Variants in PYHIN1 observed in about 807,000 individuals in gnomAD.
PYHIN1 encodes the protein pyrin and HIN domain family member 1.
Under a neutral mutation model 43.7 loss-of-function variants are expected in PYHIN1, and 32 were observed. That is an observed-to-expected ratio of 0.73 (90% confidence interval 0.55 to 0.98). The LOEUF (loss-of-function observed/expected upper bound fraction) is 0.98, where lower values mean the gene tolerates loss of function less well. PYHIN1 is among the 50% of genes least tolerant of loss of function. The probability of loss-of-function intolerance (pLI) is 0.00; values close to 1 mark genes in which losing one functional copy is unlikely to be tolerated. For synonymous variants in PYHIN1, 205 were observed against 203.1 expected, an observed-to-expected ratio of 1.01 and a Z score of -0.08; for missense variants, 588 against 589.5, an observed-to-expected ratio of 1.00 and a Z score of 0.03.
chr1:158,965,578 A>G (rs1301825695), intron 7 of PYHIN1, among the ~76,000 whole-genome samples: 1 of 152,306 alleles, frequency 6.6e-6, no homozygotes. Flanking sequence ...GTATAAATCT[A>G]TAGTAAGAAA....
At chr1:158,974,398 C>A (rs1195422970) in intron 8 of PYHIN1, among the ~76,000 whole-genome samples, 1 of 152,046 alleles carries the variant, frequency 6.6e-6, no homozygotes, top group Non-Finnish European at 1.5e-5. Context: ...TTCAACCACA[C>A]TTGATAATAA....
chr1:158,971,912 A>C (rs1650952696), intron 7 of PYHIN1, among the ~76,000 whole-genome samples: 1 of 151,968 alleles, frequency 6.6e-6, no homozygotes, highest in Non-Finnish European at 1.5e-5. Context: ...TAGGATATCT[A>C]AAGTTATGCT....
chr1:158,961,393 A>G (rs890862553), intron 7 of PYHIN1, among the ~76,000 whole-genome samples: 1 of 152,166 alleles, frequency 6.6e-6, no homozygotes, highest in Non-Finnish European at 1.5e-5. Context: ...TTAAATCTTC[A>G]TTTAAGATAC....
At position 158,938,473 on chromosome 1, in the gene PYHIN1, T is replaced by C; in HGVS notation, c.342T>C (p.Pro114=). 1.2e-6 allele frequency: 2 copies of C among 1,614,168 alleles called. No individual in the cohort carries two copies. The highest frequency in any genetic ancestry group is 1.7e-6 in the Non-Finnish European group (2 of 1,179,988). ...SKKTKQKEVY[P]ATPACTPSNR... is the part of the protein sequence containing the mutation. ...AGACGAAACAGAAAGAAGTGTATCCTGCTACACCTGCATGCACCCCAAGCA... is the reference window on the plus strand; with the variant it reads ...AGACGAAACAGAAAGAAGTGTATCCCGCTACACCTGCATGCACCCCAAGCA... The change falls in exon 3 of 9, where the codon CCT becomes CCC. Residue 114 remains proline (P), a synonymous_variant. Transcript: ENST00000368140.
chr1:158,937,955 A>G (rs1422268993), intron 2 of PYHIN1, among the ~76,000 whole-genome samples: 1 of 152,038 alleles, frequency 6.6e-6, no homozygotes, highest in Non-Finnish European at 1.5e-5. Context: ...AAAAAAAAAA[A>G]AAAAGAAAAA....
chr1:158,941,162 G>A (rs1230692564), intron 4 of PYHIN1, among the ~76,000 whole-genome samples: 1 of 152,182 alleles, frequency 6.6e-6, no homozygotes, highest in Non-Finnish European at 1.5e-5. Flanking sequence ...TCCAGGAGCT[G>A]CTGGTTTGTG....
intron 7 of PYHIN1, 48 bp from the exon 8 acceptor site, chr1:158,973,595 GTTCT>G: frequency 6.2e-7 from 1 of 1,602,178 alleles, no homozygotes; most frequent in East Asian, 2.2e-5. Flanking sequence ...GAAAAAACCA[GTTCT>G]TTCTGTCATA....
intron 1 of PYHIN1, among the ~76,000 whole-genome samples, chr1:158,932,282 C>T (rs568754642): frequency 8.6e-5 from 13 of 151,908 alleles, no homozygotes; most frequent in African/African-American, 2.7e-4. Flanking sequence ...AAGATGGGAA[C>T]GGTAGACGCT....
intron 7 of PYHIN1, among the ~76,000 whole-genome samples, chr1:158,958,315 A>T (rs1650091203): frequency 1.4e-5 from 2 of 145,692 alleles, no homozygotes; most frequent in South Asian, 2.4e-4. Flanking sequence ...ACGTATGTTT[A>T]TTGCGGCATT....
downstream of PYHIN1, among the ~76,000 whole-genome samples, chr1:158,980,446 G>A (rs1460263073): frequency 6.6e-6 from 1 of 152,118 alleles, no homozygotes; most frequent in African/African-American, 2.4e-5. Flanking sequence ...AAATGGATGT[G>A]CAAGTAGGAA....
In PYHIN1 at chr1:158,957,885, C is replaced by T. The variant is rs1435268932; in HGVS notation, c.1359+12843C>T. Among the ~76,000 whole-genome samples the T allele has an allele frequency of 2.2e-3, 336 of 150,548 alleles. 1 individual carries two copies. The highest frequency in any genetic ancestry group is 7.3e-3 in the African/African-American group (299 of 41,024). ...ACAAAGGGCTAATATCCAGAATCTACAATGAACTCAAACAAATTTACAAGA... is the reference window on the plus strand; with the variant it reads ...ACAAAGGGCTAATATCCAGAATCTATAATGAACTCAAACAAATTTACAAGA... On this transcript the variant is annotated intron_variant, in intron 7 of 8. Coordinates refer to ENST00000368140, the MANE Select transcript of PYHIN1 (RefSeq NM_152501.5).
chr1:158,941,124 C>T (rs1648885531), intron 4 of PYHIN1, among the ~76,000 whole-genome samples: 1 of 152,152 alleles, frequency 6.6e-6, no homozygotes, highest in Non-Finnish European at 1.5e-5. Flanking sequence ...CAGATGATCA[C>T]TGTATATGGT....
intron 5 of PYHIN1, among the ~76,000 whole-genome samples, chr1:158,943,060 A>G (rs1389644431): frequency 2.0e-5 from 3 of 152,202 alleles, no homozygotes; most frequent in South Asian, 2.1e-4. Flanking sequence ...TCACGAAACT[A>G]GTTAGCTTGA....
In PYHIN1 at chr1:158,938,432, A is replaced by G. The variant is rs776645629; in HGVS notation, c.301A>G (p.Ile101Val). 4 of 1,614,222 alleles carry G rather than the reference A, an allele frequency of 2.5e-6. No homozygotes were observed. Among genetic ancestry groups the G allele is most frequent in the Non-Finnish European group, 3.4e-6 (4 of 1,180,016 alleles). ...NKIESIPVKG[I>V]IPSKKTKQKE... Reference sequence around the variant, plus strand: ...AATTGAATCCATTCCAGTCAAAGGAATAATCCCATCTAAAAAGACGAAACA... The same window carrying G: ...AATTGAATCCATTCCAGTCAAAGGAGTAATCCCATCTAAAAAGACGAAACA... Residue 101 changes from isoleucine (I) to valine (V), a missense_variant, in exon 3 of 9, where the codon ATA becomes GTA. Physicochemically the swap from Ile to Val is conservative, Grantham distance 29. Transcript: ENST00000368140.
At chr1:158,974,031 A>G (rs11590737) in intron 8 of PYHIN1, among the ~76,000 whole-genome samples, 14,924 of 152,088 alleles carry the variant, frequency 0.098, 921 homozygotes, top group East Asian at 0.26. Context: ...GGTGTATGTG[A>G]GGAGGTATCC....
At chr1:158,965,053 CAAAT>C (rs1650554197) in intron 7 of PYHIN1, among the ~76,000 whole-genome samples, 1 of 150,626 alleles carries the variant, frequency 6.6e-6, no homozygotes, top group East Asian at 1.9e-4. Context: ...ATCTACCAAA[CAAAT>C]AGAAAGCAGA....
chr1:158,939,096 CT>C lies in PYHIN1; in HGVS notation c.429del (p.Glu144LysfsTer52). ...TLGPQKRKKP[S>X]EEETGTKRSK... ...TACTTGTAGAAAAGAAAAAAACCAT[CT>C]GAAGAAGAGACTGGAACCAAAAGGA... On this transcript the variant is annotated frameshift_variant, in exon 4 of 9. Coordinates refer to ENST00000368140, the MANE Select transcript of PYHIN1 (RefSeq NM_152501.5). LOFTEE classifies it high-confidence loss of function. 6.3e-7 allele frequency: 1 copy of C among 1,586,742 alleles called. No individual in the cohort carries two copies. The highest frequency in any genetic ancestry group is 2.2e-5 in the East Asian group (1 of 44,630).
At chr1:158,980,793 G>T (rs1651458326), downstream of PYHIN1, among the ~76,000 whole-genome samples, 1 of 152,154 alleles carries the variant, frequency 6.6e-6, no homozygotes, top group Admixed American at 6.5e-5. Flanking sequence ...TCCCTCAGAA[G>T]TATGTGATCT....
At chr1:158,961,883 A>G (rs856073) in intron 7 of PYHIN1, among the ~76,000 whole-genome samples, 146,329 of 152,186 alleles carry the variant, frequency 0.96, 70,627 homozygotes, top group East Asian at 1. Context: ...AGGCCTTCAG[A>G]AAAGGAGCTG....
Sources: allele counts gnomAD v4.1 joint callset (sites outside exome capture counted in the v4.1 genomes callset), GRCh38; gene constraint gnomAD v4.1.1; transcripts MANE v1.5; gene names NCBI Gene and HGNC (gene_info 2026-07-23, HGNC 2026-07-21).